Variants in LRP1B observed in about 807,000 individuals in gnomAD.
The protein encoded by LRP1B is LDL receptor related protein 1B.
LRP1B carries 217 observed loss-of-function variants against 556.6 expected under a neutral mutation model. The ratio of observed to expected loss-of-function variants is 0.39; its 90% confidence interval spans 0.35 to 0.44. The LOEUF (loss-of-function observed/expected upper bound fraction) is 0.44. LRP1B is among the 20% of genes least tolerant of loss of function. LRP1B has a pLI of 1.00. For synonymous variants in LRP1B, 2,047 were observed against 1,865.8 expected, an observed-to-expected ratio of 1.10 and a Z score of -2.50; for missense variants, 5,053 against 5,620.8, an observed-to-expected ratio of 0.90 and a Z score of 3.23.
intron 3 of LRP1B, among the ~76,000 whole-genome samples, chr2:141,349,843 A>C (rs1688382341): frequency 6.6e-6 from 1 of 152,044 alleles, no homozygotes; most frequent in South Asian, 2.1e-4. Context: ...ATCAAAGAGT[A>C]TAATAGTCAA....
chr2:141,649,092 G>T (rs896521397), intron 2 of LRP1B, among the ~76,000 whole-genome samples: 1 of 152,204 alleles, frequency 6.6e-6, no homozygotes, highest in East Asian at 1.9e-4. Flanking sequence ...TCCTCAAGGA[G>T]GGTTGTGTTC....
chr2:140,284,534 A>T (rs1209615107), intron 84 of LRP1B, among the ~76,000 whole-genome samples: 1 of 151,560 alleles, frequency 6.6e-6, no homozygotes, highest in Non-Finnish European at 1.5e-5. Context: ...AGAATACAAC[A>T]CCATCTTATA....
chr2:141,496,071 T>C (rs1184051094), intron 2 of LRP1B, among the ~76,000 whole-genome samples: 1 of 152,086 alleles, frequency 6.6e-6, no homozygotes, highest in Non-Finnish European at 1.5e-5. Context: ...ATATGACAGC[T>C]TAAAATTATT....
rs181116320 is a variant in LRP1B at position 140,766,725 on chromosome 2, A to G, written c.5758+2488T>C. Among the ~76,000 whole-genome samples the G allele has an allele frequency of 3.9e-3, 591 of 150,182 alleles. 2 individuals are homozygous for G. The highest frequency in any genetic ancestry group is 7.8e-3 in the Admixed American group (116 of 14,926). ...AAGAAACACCCTTTTTTCTATTCAGATAACTGAATAGAAAACATAATATCA... is the reference window on the plus strand; with the variant it reads ...AAGAAACACCCTTTTTTCTATTCAGGTAACTGAATAGAAAACATAATATCA... On this transcript the variant is annotated intron_variant, in intron 35 of 90. Coordinates refer to ENST00000389484, the MANE Select transcript of LRP1B (RefSeq NM_018557.3).
chr2:140,780,527 C>T (rs1689661399), intron 32 of LRP1B, among the ~76,000 whole-genome samples: 1 of 152,092 alleles, frequency 6.6e-6, no homozygotes, highest in African/African-American at 2.4e-5. Flanking sequence ...TTTGGACCAC[C>T]CCTAACTGAT....
At chr2:140,981,957 T>A (rs1233016771) in intron 18 of LRP1B, among the ~76,000 whole-genome samples, 2 of 152,182 alleles carry the variant, frequency 1.3e-5, no homozygotes, top group African/African-American at 4.8e-5. Flanking sequence ...GAGAATATTG[T>A]TTCTGCCTCA....
intron 7 of LRP1B, among the ~76,000 whole-genome samples, chr2:141,181,681 A>G (rs146610867): frequency 5.2e-4 from 79 of 152,066 alleles, no homozygotes; most frequent in Middle Eastern, 6.8e-3. Flanking sequence ...CATTTCCACT[A>G]AAGTATTCAC....
At chr2:141,051,743 T>G (rs1699042338) in intron 10 of LRP1B, among the ~76,000 whole-genome samples, 1 of 152,192 alleles carries the variant, frequency 6.6e-6, no homozygotes, top group South Asian at 2.1e-4. Context: ...AGCAGCAGAT[T>G]GTTTAATTTT....
intron 1 of LRP1B, among the ~76,000 whole-genome samples, chr2:141,824,972 A>G (rs1574402711): frequency 6.6e-6 from 1 of 152,290 alleles, no homozygotes; most frequent in Middle Eastern, 3.4e-3. Context: ...TGGTTTTTAA[A>G]GTGGTAGTTT....
At chr2:141,499,939 C>T (rs868596940) in intron 2 of LRP1B, among the ~76,000 whole-genome samples, 2 of 151,872 alleles carry the variant, frequency 1.3e-5, no homozygotes, top group Non-Finnish European at 2.9e-5. Context: ...GAATATTCTA[C>T]CCCCAAAGAT....
chr2:140,958,371 G>C (rs1695936200), intron 18 of LRP1B, among the ~76,000 whole-genome samples: 2 of 151,500 alleles, frequency 1.3e-5, no homozygotes, highest in African/African-American at 4.8e-5. Flanking sequence ...GATTTGAAAA[G>C]CAACCAAATA....
At chr2:141,077,991 T>G (rs1699833593) in intron 7 of LRP1B, among the ~76,000 whole-genome samples, 2 of 151,534 alleles carry the variant, frequency 1.3e-5, no homozygotes, top group Admixed American at 1.3e-4. Context: ...TTTTAACTAT[T>G]GGACCCAAAT....
intron 43 of LRP1B, among the ~76,000 whole-genome samples, chr2:140,582,272 T>C (rs1222119163): frequency 6.6e-6 from 1 of 152,200 alleles, no homozygotes; most frequent in Non-Finnish European, 1.5e-5. Flanking sequence ...ATACAGGAAT[T>C]CTGATTTAAT....
chr2:142,073,727 G>T (rs1705402822), intron 1 of LRP1B, among the ~76,000 whole-genome samples: 2 of 151,986 alleles, frequency 1.3e-5, no homozygotes, highest in Admixed American at 1.3e-4. Context: ...AGGCCTGGTG[G>T]GAGGTGATTG....
chr2:140,729,779 A>C (rs1225140796), intron 35 of LRP1B, among the ~76,000 whole-genome samples: 2 of 152,170 alleles, frequency 1.3e-5, no homozygotes, highest in African/African-American at 4.8e-5. Flanking sequence ...ACATTGATAG[A>C]AAGCTTCATA....
At position 141,594,310 on chromosome 2, in the gene LRP1B, C is replaced by A. The variant is rs575625068; in HGVS notation, c.206-113777G>T. 4.3e-4 allele frequency among the ~76,000 whole-genome samples: 65 copies of A among 152,130 alleles called. 1 individual carries two copies. The highest frequency in any genetic ancestry group is 1.5e-3 in the African/African-American group (61 of 41,510). On this transcript the variant is annotated intron_variant, in intron 2 of 90. Coordinates refer to ENST00000389484, the MANE Select transcript of LRP1B (RefSeq NM_018557.3). ...ACTTGGACCTAGCTAAGCTAAGGTG[C>A]AGAAAGACCACAACACTGGGAAGGC...
intron 2 of LRP1B, among the ~76,000 whole-genome samples, chr2:141,489,854 G>A (rs1215679797): frequency 6.6e-6 from 1 of 152,076 alleles, no homozygotes; most frequent in Non-Finnish European, 1.5e-5. Flanking sequence ...ACTTGAGGAT[G>A]CAAGAATACA....
At chr2:140,740,622 T>C (rs1573648042) in intron 35 of LRP1B, among the ~76,000 whole-genome samples, 1 of 152,246 alleles carries the variant, frequency 6.6e-6, no homozygotes, top group Non-Finnish European at 1.5e-5. Context: ...CTTACTCATG[T>C]AACCAAACAC....
At chr2:141,140,775 G>C (rs1701630005) in intron 7 of LRP1B, among the ~76,000 whole-genome samples, 1 of 152,084 alleles carries the variant, frequency 6.6e-6, no homozygotes, top group Admixed American at 6.6e-5. Flanking sequence ...TAGCAGACTA[G>C]CAAACTAATA....
Sources: gnomAD v4.1 joint callset for allele counts (sites outside exome capture counted in the v4.1 genomes callset) on GRCh38, gnomAD v4.1.1 for gene constraint, MANE v1.5 for transcripts, NCBI Gene and HGNC (gene_info 2026-07-23, HGNC 2026-07-21) for gene names.